The following PTPRE variants were observed in gnomAD, a reference collection of about 807,000 sequenced individuals.
The protein encoded by PTPRE is receptor-type tyrosine-protein phosphatase epsilon.
PTPRE carries 51 observed loss-of-function variants against 102.0 expected under a neutral mutation model. The ratio of observed to expected loss-of-function variants is 0.50; its 90% CI spans 0.40 to 0.63. PTPRE has a LOEUF of 0.63. Ranked by LOEUF, PTPRE falls within the 30% of genes least tolerant of loss-of-function variation. The pLI is 0.00. For synonymous variants in PTPRE, 345 were observed against 348.2 expected (o/e 0.99, Z 0.10); for missense variants, 752 against 915.1 (o/e 0.82, Z 2.30).
intron 1 of PTPRE, among the ~76,000 whole-genome samples, chr10:127,909,215 G>A (rs1845697056): frequency 6.6e-6 from 1 of 152,230 alleles, no homozygotes; most frequent in Non-Finnish European, 1.5e-5. Flanking sequence ...TTGCCCCTGA[G>A]AGTAGATGCG....
intron 2 of PTPRE, among the ~76,000 whole-genome samples, chr10:128,003,001 C>T (rs1462296426): frequency 2.6e-5 from 4 of 152,142 alleles, no homozygotes; most frequent in African/African-American, 9.7e-5. Flanking sequence ...GCCTGGGAGT[C>T]ATATGTCTTA....
chr10:127,934,955 GGCCCCC>G (rs1424183985), intron 1 of PTPRE: 1 of 152,288 alleles, frequency 6.6e-6, no homozygotes, highest in East Asian at 1.9e-4. Flanking sequence ...TGACGTTTGG[GGCCCCC>G]GCTATGAGCA....
intron 1 of PTPRE, among the ~76,000 whole-genome samples, chr10:127,938,637 T>C (rs1009904705): frequency 1.3e-5 from 2 of 152,220 alleles, no homozygotes; most frequent in African/African-American, 4.8e-5. Flanking sequence ...TTAGAATTGA[T>C]ATTACTTTTT....
chr10:127,946,397 G>A (rs1589802006), intron 1 of PTPRE, among the ~76,000 whole-genome samples: 1 of 112,632 alleles, frequency 8.9e-6, no homozygotes, highest in South Asian at 3.2e-4. Flanking sequence ...ATATATACAA[G>A]GATGTTTATT....
intron 6 of PTPRE, among the ~76,000 whole-genome samples, chr10:128,052,267 T>C (rs570498725): frequency 1.9e-4 from 29 of 152,248 alleles, no homozygotes; most frequent in African/African-American, 7.0e-4. Context: ...CCCAAAATCA[T>C]GAAAGGGAGA....
Position 128,068,469 on chromosome 10 carries a change from G to GC in PTPRE, c.1007+188dup, listed in dbSNP as rs1467060973. ...AACCCTACAGGAGAATGTTCAGAGA[G>GC]CCCCCTCTTCATCCCAGTCGATAAA... On this transcript the variant is annotated intron_variant, in intron 12 of 20. Coordinates refer to ENST00000254667, the MANE Select transcript of PTPRE (RefSeq NM_006504.6). The GC allele has an allele frequency of 5.3e-6, 3 of 571,174 alleles. No individual in the cohort carries two copies. The African/African-American group carries it at 5.6e-5, about 11-fold the overall frequency. 35.4% of individuals were successfully genotyped at this position (571,174 alleles called of 1,614,324 possible).
intron 7 of PTPRE, among the ~76,000 whole-genome samples, chr10:128,059,381 C>T (rs1481495165): frequency 6.6e-6 from 1 of 152,186 alleles, no homozygotes; most frequent in Non-Finnish European, 1.5e-5. Context: ...AGAGCTGGCT[C>T]AACCATCGGA....
chr10:128,072,943 G>A (rs1282886489), intron 16 of PTPRE, among the ~76,000 whole-genome samples: 2 of 152,310 alleles, frequency 1.3e-5, no homozygotes, highest in East Asian at 3.9e-4. Context: ...GGGAATGGCA[G>A]CCAAGTGTGT....
At chr10:127,931,413 G>A (rs1170327230) in intron 1 of PTPRE, among the ~76,000 whole-genome samples, 1 of 152,216 alleles carries the variant, frequency 6.6e-6, no homozygotes, top group Non-Finnish European at 1.5e-5. Context: ...ACTTTAAAAT[G>A]TTCTTTACAT....
intron 7 of PTPRE, among the ~76,000 whole-genome samples, chr10:128,057,353 C>T (rs1322853837): frequency 2.6e-5 from 4 of 152,190 alleles, no homozygotes; most frequent in Non-Finnish European, 4.4e-5. Flanking sequence ...CCACTAAGTT[C>T]AGGTTTAAAT....
At chr10:127,978,452 G>C (rs941925679) in intron 1 of PTPRE, among the ~76,000 whole-genome samples, 2 of 152,104 alleles carry the variant, frequency 1.3e-5, no homozygotes, top group African/African-American at 4.8e-5. Flanking sequence ...GAGGCAGAAA[G>C]ACGGCTTGAG....
intron 4 of PTPRE, 41 bp downstream of exon 4, chr10:128,047,530 AGAG>A: frequency 6.2e-7 from 1 of 1,611,844 alleles, no homozygotes; most frequent in Non-Finnish European, 8.5e-7. Context: ...CAACCAGCTC[AGAG>A]GAGGAAATGA....
intron 1 of PTPRE, among the ~76,000 whole-genome samples, chr10:127,967,344 C>T (rs1297057325): frequency 1.3e-5 from 2 of 152,198 alleles, no homozygotes; most frequent in African/African-American, 4.8e-5. Context: ...CCATAATCCC[C>T]ACGTGTCATG....
In PTPRE at chr10:128,020,054, G is replaced by A. The variant is rs540576509; in HGVS notation, c.-7-20821G>A. ...TGTGTGTGTGTGTGTGTGCACGCGCGCACGTGTGTGTGTGTGTGTGTGCGT... is the reference window on the plus strand; with the variant it reads ...TGTGTGTGTGTGTGTGTGCACGCGCACACGTGTGTGTGTGTGTGTGTGCGT... On this transcript the variant is annotated intron_variant, in intron 2 of 20. Transcript: ENST00000254667. 4.9e-4 allele frequency among the ~76,000 whole-genome samples: 45 copies of A among 91,406 alleles called. 1 individual carries two copies. Among genetic ancestry groups the A allele is most frequent in the Admixed American group, 6.7e-4 (7 of 10,466 alleles). 60.0% of individuals were successfully genotyped at this position (91,406 alleles called of 152,430 possible). A position where few individuals can be genotyped will look rare whatever the true frequency, so the allele number is the denominator to read the frequency against.
chr10:128,055,999 G>A, intron 6 of PTPRE, 124 bp from the exon 7 acceptor site: 1 of 732,654 alleles, frequency 1.4e-6, no homozygotes. Flanking sequence ...GGCAGAGACG[G>A]ACTATGGACA....
chr10:128,066,076 A>G lies in PTPRE; in HGVS notation c.725A>G (p.Glu242Gly). ...CTTCTATTAAATTGTTCCGTGCAGG[A>G]AAAGTGCCATCAGTACTGGCCCGAC... is the stretch of plus-strand genomic sequence containing the variant. ...MLTNLKERKE[E>G]KCHQYWPDQG... is the part of the protein sequence containing the mutation. Residue 242 changes from glutamate (E) to glycine (G), a missense_variant and splice_region_variant, in exon 11 of 21, where the codon GAA becomes GGA. Glu to Gly is a moderately conservative substitution (Grantham distance 98). Coordinates refer to ENST00000254667, the MANE Select transcript of PTPRE (RefSeq NM_006504.6). The G allele has an allele frequency of 1.2e-6, 2 of 1,614,188 alleles. No individual in the cohort carries two copies. Among genetic ancestry groups the G allele is most frequent in the Admixed American group, 1.7e-5 (1 of 60,028 alleles).
rs749386152 is a variant in PTPRE, at chr10:127,932,953, G to A, written c.-31+25644G>A. Among the ~76,000 whole-genome samples the A allele has an allele frequency of 8.6e-4, 131 of 152,186 alleles. 2 individuals carry two copies. The highest frequency in any genetic ancestry group is 1.2e-3 in the Non-Finnish European group (82 of 68,024). ...GGTCCTCAGAGCTAGAGGCTGTCCC[G>A]ATGCTTTAGCGGGTGGCTCCTTCCT... On this transcript the variant is annotated intron_variant, in intron 1 of 20. Coordinates refer to ENST00000254667, the MANE Select transcript of PTPRE (RefSeq NM_006504.6).
At chr10:127,956,009 A>G (rs576138442) in intron 1 of PTPRE, among the ~76,000 whole-genome samples, 112 of 152,318 alleles carry the variant, frequency 7.4e-4, no homozygotes, top group African/African-American at 2.6e-3. Context: ...CCAATTTGAC[A>G]TGAGATTTGG....
At chr10:128,061,533 G>A in intron 8 of PTPRE, 146 bp from the exon 9 acceptor site, 1 of 963,128 alleles carries the variant, frequency 1.0e-6, no homozygotes, top group South Asian at 1.7e-5. Flanking sequence ...GGAATTGCTG[G>A]TGAGTTTTCT....
Sources: allele counts gnomAD v4.1 joint callset (sites outside exome capture counted in the v4.1 genomes callset), GRCh38; gene constraint gnomAD v4.1.1; transcripts MANE v1.5; gene names NCBI Gene and HGNC (gene_info 2026-07-23, HGNC 2026-07-21).